The following DZIP3 variants were observed in gnomAD, a reference collection of about 807,000 sequenced individuals.
The protein encoded by DZIP3 is DAZ interacting zinc finger protein 3.
A neutral mutation model predicts 162.0 loss-of-function variants in DZIP3; 118 were observed. That is an observed-to-expected ratio of 0.73 (90% confidence interval 0.63 to 0.85). DZIP3 has a LOEUF of 0.85. DZIP3 is among the 40% of genes least tolerant of loss of function. DZIP3 has a pLI of 0.00. For synonymous variants in DZIP3, 438 were observed against 458.6 expected, an observed-to-expected ratio of 0.96 and a Z score of 0.57; for missense variants, 1,331 against 1,407.0, an observed-to-expected ratio of 0.95 and a Z score of 0.86.
rs1943853765 is a variant in DZIP3 at position 108,669,744 on chromosome 3, G to T, written c.2487G>T (p.Met829Ile). ...EIKNLKEQLS[M>I]KRSQWEMEKH... ...AGAACCTTAAAGAGCAACTTTCTAT[G>T]AAAAGGTACAAACTTAGCTTTTTCT... The change falls in exon 22 of 33, where the codon ATG becomes ATT. Residue 829 changes from methionine to isoleucine, a missense_variant. Around this residue, in one of 2 missense-constraint regions of DZIP3, gnomAD observed 1,278 missense variants for 1,317.1 expected, o/e 0.97. Coordinates refer to ENST00000361582, the MANE Select transcript of DZIP3 (RefSeq NM_014648.4). 2.5e-6 allele frequency: 4 copies of T among 1,609,984 alleles called. No homozygotes were observed. In the South Asian group the frequency reaches 4.4e-5, roughly 18 times the overall value.
chr3:108,687,521 T>G (rs1173351052), intron 28 of DZIP3, among the ~76,000 whole-genome samples: 1 of 152,186 alleles, frequency 6.6e-6, no homozygotes, highest in Non-Finnish European at 1.5e-5. Context: ...GTTTAATCTT[T>G]GTTTTCTGAG....
At chr3:108,625,296 C>G (rs1323223542) in intron 6 of DZIP3, among the ~76,000 whole-genome samples, 2 of 152,072 alleles carry the variant, frequency 1.3e-5, no homozygotes, top group Admixed American at 1.3e-4. Context: ...CTATGGGCAA[C>G]AAATCACTTA....
At chr3:108,593,676 CTTTTT>C (rs79432134) in intron 1 of DZIP3, among the ~76,000 whole-genome samples, 15 of 121,024 alleles carry the variant, frequency 1.2e-4, no homozygotes, top group African/African-American at 4.5e-4. Flanking sequence ...GAATTTCTTT[CTTTTT>C]TTTTTTTTTT....
intron 11 of DZIP3, 101 bp downstream of exon 11, chr3:108,636,809 C>T: frequency 2.5e-6 from 2 of 800,608 alleles, no homozygotes; most frequent in Non-Finnish European, 4.0e-6. Context: ...AATTAGATTC[C>T]AGCCATATTG....
intron 6 of DZIP3, 113 bp downstream of exon 6, chr3:108,624,637 A>T (rs1302574010): frequency 9.5e-6 from 5 of 524,202 alleles, no homozygotes; most frequent in Non-Finnish European, 1.7e-5. Context: ...ATATTAGCTT[A>T]TAACTTCATT....
chr3:108,612,972 A>G (rs556595618), intron 4 of DZIP3, among the ~76,000 whole-genome samples: 7 of 152,284 alleles, frequency 4.6e-5, no homozygotes, highest in Non-Finnish European at 1.0e-4. Context: ...TTACATGAGA[A>G]TATCTGACCC....
At chr3:108,658,869 G>A (rs1370799677) in intron 19 of DZIP3, among the ~76,000 whole-genome samples, 5 of 152,050 alleles carry the variant, frequency 3.3e-5, no homozygotes, top group African/African-American at 4.8e-5. Flanking sequence ...ACACCTCTAC[G>A]CAAATAAACT....
intron 18 of DZIP3, among the ~76,000 whole-genome samples, chr3:108,652,119 A>G (rs139547889): frequency 1.3e-5 from 2 of 151,576 alleles, no homozygotes; most frequent in African/African-American, 4.9e-5. Context: ...AATGTCATCA[A>G]TCACTTTGCC....
intron 8 of DZIP3, among the ~76,000 whole-genome samples, chr3:108,631,733 A>G (rs1286231468): frequency 6.6e-6 from 1 of 151,044 alleles, no homozygotes; most frequent in Non-Finnish European, 1.5e-5. Context: ...ATCAACTTCT[A>G]AGAAACTTGA....
At chr3:108,590,078 C>T (rs968027696) in intron 1 of DZIP3, 1 of 152,188 alleles carries the variant, frequency 6.6e-6, no homozygotes, top group Non-Finnish European at 1.5e-5. Flanking sequence ...GAGGGTGTTA[C>T]TCGTTAGCGT....
intron 24 of DZIP3, 51 bp downstream of exon 24, chr3:108,674,232 G>A (rs1396361820): frequency 2.1e-6 from 3 of 1,442,532 alleles, no homozygotes; most frequent in East Asian, 4.5e-5. Flanking sequence ...ATGTTAGCAA[G>A]TGTCTCCACG....
At chr3:108,658,404 G>T (rs537497357) in intron 19 of DZIP3, among the ~76,000 whole-genome samples, 5 of 151,902 alleles carry the variant, frequency 3.3e-5, no homozygotes, top group African/African-American at 1.2e-4. Context: ...GGTACATAAC[G>T]AAATGAAGGC....
intron 4 of DZIP3, among the ~76,000 whole-genome samples, chr3:108,612,388 T>C (rs887045231): frequency 6.6e-6 from 1 of 152,184 alleles, no homozygotes; most frequent in Non-Finnish European, 1.5e-5. Flanking sequence ...ACAGTATAAG[T>C]GAATTCTGGC....
At chr3:108,664,513 G>A (rs1366687585) in intron 21 of DZIP3, among the ~76,000 whole-genome samples, 1 of 152,252 alleles carries the variant, frequency 6.6e-6, no homozygotes, top group Admixed American at 6.5e-5. Context: ...CCAGCTGAAA[G>A]CTGAACCTCT....
intron 9 of DZIP3, among the ~76,000 whole-genome samples, chr3:108,633,652 T>C (rs1315158707): frequency 1.3e-5 from 2 of 149,358 alleles, no homozygotes; most frequent in African/African-American, 4.9e-5. Flanking sequence ...TAGATCTCTC[T>C]CTCTGGATCT....
intron 17 of DZIP3, 59 bp downstream of exon 17, chr3:108,649,021 A>G: frequency 1.0e-6 from 1 of 979,974 alleles, no homozygotes; most frequent in Non-Finnish European, 1.4e-6. Context: ...AAATACATGA[A>G]TTCATTGTTA....
At chr3:108,679,960 A>T (rs1423934888) in intron 26 of DZIP3, among the ~76,000 whole-genome samples, 1 of 152,096 alleles carries the variant, frequency 6.6e-6, no homozygotes, top group African/African-American at 2.4e-5. Flanking sequence ...TGTTAGTACC[A>T]TTAAAAAGAT....
chr3:108,621,755 G>T (rs776833826), intron 5 of DZIP3, among the ~76,000 whole-genome samples: 13 of 152,120 alleles, frequency 8.5e-5, no homozygotes, highest in Non-Finnish European at 1.9e-4. Context: ...TCCCACTGCT[G>T]GGATATACCC....
intron 12 of DZIP3, among the ~76,000 whole-genome samples, chr3:108,637,845 T>C (rs1942227792): frequency 6.6e-6 from 1 of 152,226 alleles, no homozygotes; most frequent in Non-Finnish European, 1.5e-5. Context: ...AATACTTTTC[T>C]ATCTTTCAAA....
Sources: gnomAD v4.1 joint callset for allele counts (sites outside exome capture counted in the v4.1 genomes callset) on GRCh38, gnomAD v4.1.1 for gene constraint, gnomAD v4.1.1 regional missense constraint, MANE v1.5 for transcripts, NCBI Gene and HGNC (gene_info 2026-07-23, HGNC 2026-07-21) for gene names.